LUZP2: variants seen among roughly 807,000 people sequenced by gnomAD.
The protein encoded by LUZP2 is leucine zipper protein 2.
Under a neutral mutation model 51.6 loss-of-function variants are expected in LUZP2, and 52 were observed. That is an observed-to-expected ratio of 1.01 (90% confidence interval 0.81 to 1.27). The LOEUF (loss-of-function observed/expected upper bound fraction) is 1.27, where lower values mean the gene tolerates loss of function less well. Ranked by LOEUF, LUZP2 falls within the 50% of genes most tolerant of loss-of-function variation. The pLI, the probability that LUZP2 is intolerant of heterozygous loss-of-function variation, is 0.00. For missense variants in LUZP2, 436 were observed against 395.4 expected, an observed-to-expected ratio of 1.10 and a Z score of -0.87; for synonymous variants, 154 against 137.3, an observed-to-expected ratio of 1.12 and a Z score of -0.85.
At chr11:24,893,554 T>G (rs576104789) in intron 5 of LUZP2, among the ~76,000 whole-genome samples, 205 of 152,292 alleles carry the variant, frequency 1.3e-3, no homozygotes, top group African/African-American at 4.8e-3. Context: ...ACACATAATA[T>G]ATCACCTAAT....
intron 1 of LUZP2, among the ~76,000 whole-genome samples, chr11:24,624,819 G>A (rs1044756040): frequency 4.6e-5 from 7 of 152,086 alleles, no homozygotes; most frequent in Admixed American, 4.6e-4. Context: ...TTTTCAAAAA[G>A]GGTAGTATTA....
At chr11:24,757,235 A>C (rs967654126) in intron 4 of LUZP2, among the ~76,000 whole-genome samples, 2 of 152,224 alleles carry the variant, frequency 1.3e-5, no homozygotes, top group African/African-American at 4.8e-5. Context: ...GTAGATTTAC[A>C]GAAATGATAT....
At chr11:24,684,204 C>G (rs1470102623) in intron 1 of LUZP2, among the ~76,000 whole-genome samples, 1 of 152,138 alleles carries the variant, frequency 6.6e-6, no homozygotes, top group African/African-American at 2.4e-5. Flanking sequence ...TCAGTCTGAG[C>G]TTTATGAATA....
intron 5 of LUZP2, among the ~76,000 whole-genome samples, chr11:24,873,422 T>C (rs1460517507): frequency 6.6e-6 from 1 of 152,212 alleles, no homozygotes; most frequent in African/African-American, 2.4e-5. Flanking sequence ...CTTTGGAGTT[T>C]GTGTGAATTG....
intron 7 of LUZP2, among the ~76,000 whole-genome samples, chr11:24,965,200 T>C (rs1855544859): frequency 6.6e-6 from 1 of 150,508 alleles, no homozygotes; most frequent in Non-Finnish European, 1.5e-5. Flanking sequence ...TCTTCCTCTC[T>C]GCATAATTTT....
intron 1 of LUZP2, among the ~76,000 whole-genome samples, chr11:24,683,789 C>T (rs1205007017): frequency 6.6e-6 from 1 of 152,190 alleles, no homozygotes; most frequent in Non-Finnish European, 1.5e-5. Context: ...TAAGCTGACT[C>T]ATCTCACTTC....
chr11:24,919,489 A>G (rs1371594793), intron 7 of LUZP2, among the ~76,000 whole-genome samples: 1 of 135,312 alleles, frequency 7.4e-6, no homozygotes, highest in Admixed American at 7.9e-5. Flanking sequence ...TATATAATAT[A>G]TATTCTTTAT....
At chr11:25,053,991 A>G (rs1858603464) in intron 10 of LUZP2, among the ~76,000 whole-genome samples, 1 of 152,150 alleles carries the variant, frequency 6.6e-6, no homozygotes, top group Non-Finnish European at 1.5e-5. Context: ...ACCTTAAACT[A>G]AGCCTCTTGG....
chr11:24,970,730 C>T (rs1174544432), intron 7 of LUZP2, among the ~76,000 whole-genome samples: 5 of 152,150 alleles, frequency 3.3e-5, no homozygotes, highest in Admixed American at 1.3e-4. Context: ...GCACAGAACA[C>T]GCTACTGGTG....
chr11:24,543,462 C>T (rs1385511197), intron 1 of LUZP2, among the ~76,000 whole-genome samples: 1 of 152,076 alleles, frequency 6.6e-6, no homozygotes, highest in Non-Finnish European at 1.5e-5. Context: ...TTCATGATGG[C>T]TTCCCAAGAG....
At chr11:24,554,701 A>ATGTTTT (rs1851814729) in intron 1 of LUZP2, among the ~76,000 whole-genome samples, 1 of 133,500 alleles carries the variant, frequency 7.5e-6, no homozygotes, top group Non-Finnish European at 1.5e-5. Flanking sequence ...TGGTTATTTA[A>ATGTTTT]TTTTTTTTTT....
intron 1 of LUZP2, among the ~76,000 whole-genome samples, chr11:24,690,188 CATT>C (rs1382323644): frequency 6.6e-6 from 1 of 151,876 alleles, no homozygotes; most frequent in East Asian, 1.9e-4. Context: ...TTAATAATCA[CATT>C]ATTATTTTTA....
In LUZP2 at chr11:25,050,145, A is replaced by T; in HGVS notation, c.858+15A>T. Reference sequence around the variant, plus strand: ...ACTCTCAAGATGTAAGAAAAACTTAAGATGCTTTTTACAGTATTAGACAGG... The same window carrying T: ...ACTCTCAAGATGTAAGAAAAACTTATGATGCTTTTTACAGTATTAGACAGG... On this transcript the variant is annotated intron_variant, in intron 10 of 11. Transcript: ENST00000336930. 3.2e-6 allele frequency: 5 copies of T among 1,541,608 alleles called. No individual in the cohort carries two copies. Among genetic ancestry groups the T allele is most frequent in the Non-Finnish European group, 4.4e-6 (5 of 1,126,838 alleles).
At chr11:24,858,797 C>T (rs1851645421) in intron 5 of LUZP2, among the ~76,000 whole-genome samples, 1 of 152,148 alleles carries the variant, frequency 6.6e-6, no homozygotes, top group Non-Finnish European at 1.5e-5. Context: ...GCAGCAACAA[C>T]AAATACAAGA....
intron 1 of LUZP2, among the ~76,000 whole-genome samples, chr11:24,662,552 G>A (rs1394533203): frequency 1.3e-5 from 2 of 151,800 alleles, no homozygotes; most frequent in Non-Finnish European, 2.9e-5. Flanking sequence ...GTTTTCTGAA[G>A]AAAAACAGAG....
chr11:24,624,703 C>G (rs1854618723), intron 1 of LUZP2, among the ~76,000 whole-genome samples: 1 of 152,116 alleles, frequency 6.6e-6, no homozygotes, highest in African/African-American at 2.4e-5. Flanking sequence ...CATACCTGCA[C>G]TTTTATCCTA....
intron 9 of LUZP2, among the ~76,000 whole-genome samples, chr11:25,018,603 C>CTTTTTT (rs755246752): frequency 1.8e-5 from 2 of 108,830 alleles, no homozygotes; most frequent in African/African-American, 4.0e-5. Context: ...TTCCTTTTTC[C>CTTTTTT]TTTTTTTTTT....
intron 1 of LUZP2, among the ~76,000 whole-genome samples, chr11:24,515,292 ACT>A (rs1340902695): frequency 6.6e-6 from 1 of 152,036 alleles, no homozygotes; most frequent in Non-Finnish European, 1.5e-5. Flanking sequence ...TCTGTAACTT[ACT>A]CTCTTCCTAC....
chr11:24,855,348 C>A (rs922420941), intron 5 of LUZP2, among the ~76,000 whole-genome samples: 1 of 152,136 alleles, frequency 6.6e-6, no homozygotes, highest in Non-Finnish European at 1.5e-5. Flanking sequence ...AGCTGAGAAA[C>A]AACTCAAGAA....
Sources: gnomAD v4.1 joint callset for allele counts (sites outside exome capture counted in the v4.1 genomes callset) on GRCh38, gnomAD v4.1.1 for gene constraint, MANE v1.5 for transcripts, NCBI Gene and HGNC (gene_info 2026-07-23, HGNC 2026-07-21) for gene names.